Variants in RNF169 observed in about 807,000 individuals in gnomAD.
RNF169 encodes the protein E3 ubiquitin-protein ligase RNF169.
Under a neutral mutation model 53.9 loss-of-function variants are expected in RNF169, and 24 were observed. The observed-to-expected ratio is 0.45, with a 90% CI of 0.32 to 0.63. The LOEUF is 0.63. Among genes scored for constraint, RNF169 ranks in the 20% least tolerant of loss-of-function variants. RNF169 has a pLI of 0.04. For synonymous variants in RNF169, 396 were observed against 363.5 expected (o/e 1.09, Z -1.02); for missense variants, 883 against 906.2 (o/e 0.97, Z 0.33).
At chr11:74,791,187 C>T (rs1345781481) in intron 2 of RNF169, among the ~76,000 whole-genome samples, 1 of 152,184 alleles carries the variant, frequency 6.6e-6, no homozygotes, top group Non-Finnish European at 1.5e-5. Context: ...GGTAGCTCCC[C>T]TACACAGGCA....
At chr11:74,797,170 A>T (rs1297263599) in intron 2 of RNF169, among the ~76,000 whole-genome samples, 3 of 152,252 alleles carry the variant, frequency 2.0e-5, no homozygotes, top group Admixed American at 2.0e-4. Flanking sequence ...TAAGGCAGTC[A>T]TTAACTTGTG....
intron 4 of RNF169, among the ~76,000 whole-genome samples, chr11:74,823,738 G>GAAAAAAAAAAAAAAAA (rs35164191): frequency 1.9e-5 from 2 of 105,776 alleles, no homozygotes; most frequent in Non-Finnish European, 3.9e-5. Context: ...CCCTGTCTCA[G>GAAAAAAAAAAAAAAAA]AAAAAAAAAA....
chr11:74,783,628 A>G lies in RNF169; in HGVS notation c.503-5998A>G, dbSNP rs2035448494. ...TGTAAAAGCTGGTAGAAGGATTGGT[A>G]GCTTTGTGACTAACTCCTCTGGACT... On this transcript the variant is annotated intron_variant, in intron 1 of 5. Transcript: ENST00000299563. 2.6e-5 allele frequency among the ~76,000 whole-genome samples: 4 copies of G among 152,186 alleles called. No individual in the cohort carries two copies. The South Asian group carries it at 8.3e-4, about 31-fold the overall frequency.
Position 74,839,064 on chromosome 11 carries a change from A to T in RNF169, c.*2334A>T, listed in dbSNP as rs1054643267. 1.3e-5 allele frequency: 2 copies of T among 152,200 alleles called. No individual in the cohort carries two copies. Among genetic ancestry groups the T allele is most frequent in the African/African-American group, 4.8e-5 (2 of 41,444 alleles). The allele number at this position is 152,200 out of a possible 1,614,324, so 9.4% of individuals were successfully genotyped here. A position where few individuals can be genotyped will look rare whatever the true frequency, so the allele number is the denominator to read the frequency against. ...AATATTTCCCCAAATTAATACTTTC[A>T]TTTTAAGAATTGCATAGCAGTTGTA... On this transcript the variant is annotated 3_prime_UTR_variant, in exon 6 of 6. Transcript: ENST00000299563.
chr11:74,785,274 T>TAGATATATATATGTTATATATATTAG (rs1554994745), intron 1 of RNF169, among the ~76,000 whole-genome samples: 12 of 141,926 alleles, frequency 8.5e-5, no homozygotes, highest in Non-Finnish European at 1.8e-4. Context: ...TTATATATAT[T>TAGATATATATATGTTATATATATTAG]AGATATATAT....
At position 74,835,830 on chromosome 11, in the gene RNF169, A is replaced by G. The variant is rs1213937492; in HGVS notation, c.1227A>G (p.Ser409=). ...TGCTAAGTCCTCTCATCATCAAATCAACTCCACGCAACCTAAACAGAAGCC... is the reference window on the plus strand; with the variant it reads ...TGCTAAGTCCTCTCATCATCAAATCGACTCCACGCAACCTAAACAGAAGCC... ...GRVLSPLIIK[S]TPRNLNRSLQ... The change falls in exon 6 of 6, where the codon TCA becomes TCG. Residue 409 remains serine (S), a synonymous_variant. Transcript: ENST00000299563. 6.2e-7 allele frequency: 1 copy of G among 1,614,160 alleles called. No homozygotes were observed.
chr11:74,774,520 T>A (rs1412661633), intron 1 of RNF169, among the ~76,000 whole-genome samples: 3 of 152,198 alleles, frequency 2.0e-5, no homozygotes, highest in African/African-American at 7.2e-5. Flanking sequence ...ACTTACCCAT[T>A]GAACTCTTTT....
intron 1 of RNF169, among the ~76,000 whole-genome samples, chr11:74,755,702 A>G (rs578006236): frequency 6.6e-6 from 1 of 152,362 alleles, no homozygotes; most frequent in East Asian, 1.9e-4. Context: ...AAGAAAGAGT[A>G]GGAATTCACC....
chr11:74,771,177 T>C (rs1479499403), intron 1 of RNF169, among the ~76,000 whole-genome samples: 1 of 152,192 alleles, frequency 6.6e-6, no homozygotes, highest in Non-Finnish European at 1.5e-5. Flanking sequence ...CTAGTTGTAG[T>C]AATTTTTTTT....
chr11:74,748,897 C>A lies in RNF169; in HGVS notation c.17C>A (p.Pro6Gln). 1 of 1,434,374 alleles carries A rather than the reference C, an allele frequency of 7.0e-7. No individual in the cohort carries two copies. Among genetic ancestry groups the A allele is most frequent in the Non-Finnish European group, 9.2e-7 (1 of 1,082,480 alleles). 88.9% of individuals were successfully genotyped at this position (1,434,374 alleles called of 1,614,324 possible). A position where few individuals can be genotyped will look rare whatever the true frequency, so the allele number is the denominator to read the frequency against. Reference sequence around the variant, plus strand: ...GGAAACAAGATGGCGGCTGCAGGTCCGAGTACTCGGGCCTCTTCCGCGGCG... The same window carrying A: ...GGAAACAAGATGGCGGCTGCAGGTCAGAGTACTCGGGCCTCTTCCGCGGCG... MAAAG[P>Q]STRASSAAAA... The change falls in exon 1 of 6, where the codon CCG becomes CAG. Residue 6 changes from proline (P) to glutamine (Q), a missense_variant. Pro to Gln is a moderately conservative substitution (Grantham distance 76, BLOSUM62 -1). Transcript: ENST00000299563.
chr11:74,773,472 G>C (rs948276087), intron 1 of RNF169, among the ~76,000 whole-genome samples: 1 of 152,074 alleles, frequency 6.6e-6, no homozygotes, highest in Non-Finnish European at 1.5e-5. Flanking sequence ...AGCTAAATAC[G>C]AATGAAAGGA....
intron 2 of RNF169, among the ~76,000 whole-genome samples, chr11:74,803,435 C>T (rs1368694580): frequency 6.6e-6 from 1 of 152,074 alleles, no homozygotes; most frequent in African/African-American, 2.4e-5. Context: ...GAGATATGTT[C>T]TGGGTGTTAT....
At chr11:74,809,606 G>C (rs978325195) in intron 2 of RNF169, among the ~76,000 whole-genome samples, 1 of 152,272 alleles carries the variant, frequency 6.6e-6, no homozygotes. Context: ...GATTGCTTGA[G>C]CCCTGGAGTT....
intron 2 of RNF169, among the ~76,000 whole-genome samples, chr11:74,807,205 A>T (rs2035818212): frequency 6.6e-6 from 1 of 151,896 alleles, no homozygotes; most frequent in Non-Finnish European, 1.5e-5. Context: ...TGCCATGGGG[A>T]CTTACTCAGG....
intron 1 of RNF169, among the ~76,000 whole-genome samples, chr11:74,759,004 C>T (rs983622439): frequency 6.6e-6 from 1 of 150,872 alleles, no homozygotes; most frequent in Non-Finnish European, 1.5e-5. Flanking sequence ...GTTTGTGGTT[C>T]TCCTTGAAGA....
At chr11:74,769,388 T>C (rs1252708811) in intron 1 of RNF169, among the ~76,000 whole-genome samples, 1 of 152,194 alleles carries the variant, frequency 6.6e-6, no homozygotes, top group Non-Finnish European at 1.5e-5. Flanking sequence ...TGGAGGAGTA[T>C]AAGTTGCCAT....
In RNF169 at chr11:74,817,666, C is replaced by T. The variant is rs770798939; in HGVS notation, c.794C>T (p.Ser265Leu). The T allele has an allele frequency of 1.9e-5, 30 of 1,613,752 alleles. No individual in the cohort carries two copies. Among genetic ancestry groups the T allele is most frequent in the Admixed American group, 1.7e-4 (10 of 59,984 alleles). ...SRGQMTQTHR[S>L]AFVSKNNSYS... Reference sequence around the variant, plus strand: ...GGCCAGATGACACAGACACATCGCTCGGCATTTGTTTCCAAGAACAACTCC... The same window carrying T: ...GGCCAGATGACACAGACACATCGCTTGGCATTTGTTTCCAAGAACAACTCC... Residue 265 changes from serine (S) to leucine (L), a missense_variant, in exon 4 of 6, where the codon TCG (serine) becomes TTG (leucine). This residue lies in a region of RNF169 where 219 missense variants were observed against 289.1 expected (regional missense o/e 0.76). Transcript: ENST00000299563.
At chr11:74,828,373 A>G (rs952614204) in intron 4 of RNF169, among the ~76,000 whole-genome samples, 5 of 152,264 alleles carry the variant, frequency 3.3e-5, no homozygotes, top group African/African-American at 1.2e-4. Flanking sequence ...ATGGATGGGA[A>G]GAATGAATAT....
intron 1 of RNF169, among the ~76,000 whole-genome samples, chr11:74,766,514 T>C (rs538589497): frequency 6.6e-6 from 1 of 152,336 alleles, no homozygotes; most frequent in Non-Finnish European, 1.5e-5. Context: ...GTGACAATAG[T>C]TTTCTGGTTA....
Sources: allele counts gnomAD v4.1 joint callset (sites outside exome capture counted in the v4.1 genomes callset), GRCh38; gene constraint gnomAD v4.1.1; regional missense constraint gnomAD v4.1.1; transcripts MANE v1.5; gene names NCBI Gene and HGNC (gene_info 2026-07-23, HGNC 2026-07-21).